The following SPOCK1 variants were observed in gnomAD, a reference collection of about 807,000 sequenced individuals.
SPOCK1 encodes testican-1.
A neutral mutation model predicts 55.3 loss-of-function variants in SPOCK1; 23 were observed. The ratio of observed to expected loss-of-function variants is 0.42; its 90% CI spans 0.30 to 0.59. The LOEUF is 0.59. SPOCK1 is among the 20% of genes least tolerant of loss of function. The pLI is 0.22. For missense variants in SPOCK1, 499 were observed against 552.5 expected (o/e 0.90, Z 0.97); for synonymous variants, 226 against 221.0 (o/e 1.02, Z -0.20).
intron 3 of SPOCK1, among the ~76,000 whole-genome samples, chr5:137,172,999 A>G (rs6876274): frequency 0.66 from 100,098 of 152,040 alleles, 33,376 homozygotes; most frequent in African/African-American, 0.77. Context: ...GAAGATATCC[A>G]TCTTTTTTAT....
chr5:137,358,546 A>G lies in SPOCK1; in HGVS notation c.187-91491T>C, dbSNP rs1435208042. Among the ~76,000 whole-genome samples, 3 of 142,994 alleles carry G rather than the reference A, an allele frequency of 2.1e-5. No homozygotes were observed. The East Asian group carries it at 6.6e-4, about 31-fold the overall frequency. The allele number at this position is 142,994 out of a possible 152,430, so 93.8% of individuals were successfully genotyped here. ...GGAGGAGTGGGGGAAGGAAGAGGGG[A>G]AGGTGGAGGGGAAGGGGAAGAGGAA... On this transcript the variant is annotated intron_variant, in intron 2 of 10. Transcript: ENST00000394945.
intron 3 of SPOCK1, among the ~76,000 whole-genome samples, chr5:137,216,082 G>C (rs1409542766): frequency 6.6e-6 from 1 of 152,160 alleles, no homozygotes; most frequent in Non-Finnish European, 1.5e-5. Flanking sequence ...TATGACATGA[G>C]TTCTGAAGAG....
chr5:137,019,119 G>A (rs764456606), intron 6 of SPOCK1, among the ~76,000 whole-genome samples: 5 of 152,146 alleles, frequency 3.3e-5, no homozygotes, highest in African/African-American at 9.7e-5. Flanking sequence ...ATACACTGCT[G>A]GGGTCAGATG....
intron 5 of SPOCK1, among the ~76,000 whole-genome samples, chr5:137,107,953 A>G (rs1753398166): frequency 6.6e-6 from 1 of 152,150 alleles, no homozygotes; most frequent in African/African-American, 2.4e-5. Flanking sequence ...TTTTGCCAAA[A>G]CTAATTTTTA....
chr5:137,133,061 T>G (rs41534746), intron 4 of SPOCK1, among the ~76,000 whole-genome samples: 27,356 of 152,114 alleles, frequency 0.18, 3,327 homozygotes, highest in East Asian at 0.38. Flanking sequence ...GCAGTCTTCT[T>G]TTGTTATTTT....
Position 137,313,337 on chromosome 5 carries a change from TG to T in SPOCK1, c.187-46283del, listed in dbSNP as rs1410467666. Reference sequence around the variant, plus strand: ...TTTAGTTGGAAGTAGGGATGAGGTATGGGCACACAGAAGAGCCAGACATTGA... The same window carrying T: ...TTTAGTTGGAAGTAGGGATGAGGTATGGCACACAGAAGAGCCAGACATTGA... On this transcript the variant is annotated intron_variant, in intron 2 of 10. Coordinates refer to ENST00000394945, the MANE Select transcript of SPOCK1 (RefSeq NM_004598.4). 4 of 832,702 alleles carry T rather than the reference TG, an allele frequency of 4.8e-6. No homozygotes were observed. The Admixed American group carries it at 1.9e-4, about 39-fold the overall frequency. The allele number at this position is 832,702 out of a possible 1,614,324, so 51.6% of individuals were successfully genotyped here.
In SPOCK1 at chr5:137,130,707, G is replaced by A. The variant is rs530062235; in HGVS notation, c.347+9873C>T. ...TCCTTCAGGTCAATGTCACTGTTCC[G>A]AAGCTAGACTTGCAGTTCACTGGGA... is the stretch of plus-strand genomic sequence containing the variant. On this transcript the variant is annotated intron_variant, in intron 4 of 10. Transcript: ENST00000394945. Among the ~76,000 whole-genome samples, 33 of 152,308 alleles carry A rather than the reference G, an allele frequency of 2.2e-4. 1 individual carries two copies. The Middle Eastern group carries it at 0.02, about 94-fold the overall frequency.
chr5:137,388,970 T>C (rs1751654345), intron 2 of SPOCK1, among the ~76,000 whole-genome samples: 1 of 152,176 alleles, frequency 6.6e-6, no homozygotes, highest in African/African-American at 2.4e-5. Context: ...TGGCATAATT[T>C]AGGTAGGCAA....
At chr5:137,242,154 G>A (rs772305573) in intron 3 of SPOCK1, among the ~76,000 whole-genome samples, 2 of 152,158 alleles carry the variant, frequency 1.3e-5, no homozygotes, top group Non-Finnish European at 2.9e-5. Flanking sequence ...GACCTCTTGA[G>A]CTCCTGAGTT....
intron 5 of SPOCK1, among the ~76,000 whole-genome samples, chr5:137,078,110 T>A (rs1457321586): frequency 6.6e-6 from 1 of 151,862 alleles, no homozygotes; most frequent in Admixed American, 6.6e-5. Context: ...GCTTCAAGTA[T>A]AGAAAAAAGC....
At chr5:137,127,818 C>T (rs1753805327) in intron 4 of SPOCK1, among the ~76,000 whole-genome samples, 1 of 152,228 alleles carries the variant, frequency 6.6e-6, no homozygotes, top group African/African-American at 2.4e-5. Flanking sequence ...TCTTGAATCT[C>T]ATTCCTACTG....
intron 6 of SPOCK1, among the ~76,000 whole-genome samples, chr5:136,997,350 A>C (rs1219279986): frequency 6.6e-6 from 1 of 151,874 alleles, no homozygotes; most frequent in East Asian, 1.9e-4. Flanking sequence ...ACTACCTCCC[A>C]CCAGGACAAC....
intron 2 of SPOCK1, among the ~76,000 whole-genome samples, chr5:137,422,031 G>A (rs4317316): frequency 0.92 from 139,950 of 152,204 alleles, 65,110 homozygotes; most frequent in East Asian, 1. Context: ...TGTCTGTAAA[G>A]GATTTTATTT....
At chr5:137,184,946 T>A (rs1755038177) in intron 3 of SPOCK1, among the ~76,000 whole-genome samples, 1 of 152,206 alleles carries the variant, frequency 6.6e-6, no homozygotes, top group Admixed American at 6.5e-5. Context: ...CTCACCACAC[T>A]GTCCCTGTCA....
At chr5:137,418,379 C>A (rs1291732282) in intron 2 of SPOCK1, among the ~76,000 whole-genome samples, 1 of 152,194 alleles carries the variant, frequency 6.6e-6, no homozygotes, top group Non-Finnish European at 1.5e-5. Flanking sequence ...GGAATCGCCA[C>A]ACTGACTTCC....
intron 2 of SPOCK1, among the ~76,000 whole-genome samples, chr5:137,452,998 T>A (rs927149808): frequency 6.6e-6 from 1 of 152,218 alleles, no homozygotes; most frequent in African/African-American, 2.4e-5. Context: ...TCCATGAATC[T>A]GAGTTTTAGA....
intron 3 of SPOCK1, among the ~76,000 whole-genome samples, chr5:137,189,986 G>T (rs1178017093): frequency 2.5e-5 from 3 of 119,596 alleles, no homozygotes; most frequent in Non-Finnish European, 5.9e-5. Flanking sequence ...AACTAGAAGT[G>T]CAGCCTGAAG....
intron 2 of SPOCK1, among the ~76,000 whole-genome samples, chr5:137,358,337 T>C (rs1750862308): frequency 6.6e-6 from 1 of 150,694 alleles, no homozygotes; most frequent in Non-Finnish European, 1.5e-5. Flanking sequence ...ACCCAGGGCA[T>C]CTCTTACCCC....
chr5:137,033,223 G>A (rs1360466206), intron 6 of SPOCK1, among the ~76,000 whole-genome samples: 1 of 152,244 alleles, frequency 6.6e-6, no homozygotes, highest in East Asian at 1.9e-4. Context: ...TGGAGTCCCG[G>A]TGTGCTGCAG....
Sources: allele counts gnomAD v4.1 joint callset (sites outside exome capture counted in the v4.1 genomes callset), GRCh38; gene constraint gnomAD v4.1.1; transcripts MANE v1.5; gene names NCBI Gene and HGNC (gene_info 2026-07-23, HGNC 2026-07-21).